Variants in GPC5 observed in about 807,000 individuals in gnomAD.
GPC5 encodes glypican-5.
A neutral mutation model predicts 53.9 loss-of-function variants in GPC5; 47 were observed. That is an observed-to-expected ratio of 0.87 (90% CI 0.69 to 1.11). The LOEUF (loss-of-function observed/expected upper bound fraction) is 1.11. Among genes scored for constraint, GPC5 ranks in the 50% most tolerant of loss-of-function variants. GPC5 has a pLI of 0.00. For missense variants in GPC5, 748 were observed against 713.1 expected (o/e 1.05, Z -0.56); for synonymous variants, 286 against 263.3 (o/e 1.09, Z -0.84).
At chr13:91,529,878 A>G (rs1886258644) in intron 2 of GPC5, among the ~76,000 whole-genome samples, 1 of 152,168 alleles carries the variant, frequency 6.6e-6, no homozygotes, top group Admixed American at 6.5e-5. Flanking sequence ...AGTGGGTCTG[A>G]GCTGGGACTT....
intron 7 of GPC5, among the ~76,000 whole-genome samples, chr13:92,745,354 C>A (rs1266193210): frequency 6.6e-6 from 1 of 152,082 alleles, no homozygotes; most frequent in African/African-American, 2.4e-5. Context: ...GCACACCTGG[C>A]ACTTTTGAAA....
At chr13:91,421,472 CT>C (rs1172746552) in intron 1 of GPC5, among the ~76,000 whole-genome samples, 1 of 152,098 alleles carries the variant, frequency 6.6e-6, no homozygotes, top group Non-Finnish European at 1.5e-5. Context: ...TTTTAACTCT[CT>C]TTTTTTCCTT....
chr13:92,129,457 C>G (rs1485827143), intron 6 of GPC5, among the ~76,000 whole-genome samples: 1 of 152,118 alleles, frequency 6.6e-6, no homozygotes, highest in African/African-American at 2.4e-5. Flanking sequence ...CAGCATGATA[C>G]GAAAAATGTC....
rs117465792 is a variant in GPC5 at position 91,776,691 on chromosome 13, C to T, written c.1280+20271C>T. The stretch of plus-strand genomic sequence containing the variant: ...CTAGGGCCAGTCCCTAATAAATTAC[C>T]TGTGCCTGTGATGAGCAACTGAATG... On this transcript the variant is annotated intron_variant, in intron 5 of 7. Transcript: ENST00000377067. 5.4e-4 allele frequency among the ~76,000 whole-genome samples: 83 copies of T among 152,308 alleles called. No individual in the cohort carries two copies. The East Asian group carries it at 0.015, about 28-fold the overall frequency.
At chr13:92,213,181 A>T (rs925277392) in intron 7 of GPC5, among the ~76,000 whole-genome samples, 1 of 152,200 alleles carries the variant, frequency 6.6e-6, no homozygotes, top group Non-Finnish European at 1.5e-5. Context: ...AATAATAGAT[A>T]TGTCCTTTAG....
rs149438606 is a variant in GPC5 at position 91,779,481 on chromosome 13, C to G, written c.1280+23061C>G. Among the ~76,000 whole-genome samples, 26 of 152,212 alleles carry G rather than the reference C, an allele frequency of 1.7e-4. No individual in the cohort carries two copies. In the East Asian group the frequency reaches 5.0e-3, roughly 29 times the overall value. On this transcript the variant is annotated intron_variant, in intron 5 of 7. Transcript: ENST00000377067. ...GCTCAGGTGATCCTCCCACCTCAGC[C>G]TCCTGAGTAGCTGGGATAATAGGCA... is the stretch of plus-strand genomic sequence containing the variant.
intron 2 of GPC5, among the ~76,000 whole-genome samples, chr13:91,551,483 A>G (rs138169742): frequency 6.6e-6 from 1 of 152,280 alleles, no homozygotes; most frequent in East Asian, 1.9e-4. Flanking sequence ...ATATGTCATC[A>G]AAGTGACAAT....
intron 5 of GPC5, among the ~76,000 whole-genome samples, chr13:91,777,651 A>C (rs2037732529): frequency 6.6e-6 from 1 of 152,208 alleles, no homozygotes; most frequent in African/African-American, 2.4e-5. Flanking sequence ...TTTTAAATTA[A>C]AAAATGTCCT....
At chr13:91,501,595 A>G (rs1389345059) in intron 2 of GPC5, among the ~76,000 whole-genome samples, 1 of 152,182 alleles carries the variant, frequency 6.6e-6, no homozygotes, top group African/African-American at 2.4e-5. Context: ...CTGTGGCTGC[A>G]TAGTATTCCA....
intron 6 of GPC5, among the ~76,000 whole-genome samples, chr13:91,985,036 T>TGG (rs2040394086): frequency 6.6e-6 from 1 of 152,234 alleles, no homozygotes; most frequent in Admixed American, 6.5e-5. Context: ...ATGTTTTTTC[T>TGG]AATTAGAAAG....
At chr13:91,487,526 TA>T (rs1356452253) in intron 2 of GPC5, among the ~76,000 whole-genome samples, 1 of 152,158 alleles carries the variant, frequency 6.6e-6, no homozygotes, top group African/African-American at 2.4e-5. Flanking sequence ...AAGGGAATAC[TA>T]GGGTAGGGCC....
At position 92,270,168 on chromosome 13, in the gene GPC5, C is replaced by A. The variant is rs189264189; in HGVS notation, c.1561+125179C>A. Reference sequence around the variant, plus strand: ...AACTTGTTGATTGTAGTGAGCAAATCATGTAAGAAGGAGATACTTGAATGG... The same window carrying A: ...AACTTGTTGATTGTAGTGAGCAAATAATGTAAGAAGGAGATACTTGAATGG... On this transcript the variant is annotated intron_variant, in intron 7 of 7. Transcript: ENST00000377067. Among the ~76,000 whole-genome samples, 189 of 152,204 alleles carry A rather than the reference C, an allele frequency of 1.2e-3. 1 individual carries two copies. Among genetic ancestry groups the A allele is most frequent in the Non-Finnish European group, 2.1e-3 (143 of 68,020 alleles).
At chr13:92,832,208 A>C (rs930062625) in intron 7 of GPC5, among the ~76,000 whole-genome samples, 5 of 152,222 alleles carry the variant, frequency 3.3e-5, no homozygotes, top group Non-Finnish European at 7.3e-5. Flanking sequence ...ATTGACATAC[A>C]CGTTTAAAAC....
intron 1 of GPC5, among the ~76,000 whole-genome samples, chr13:91,426,581 G>A (rs755966933): frequency 6.6e-5 from 10 of 152,138 alleles, no homozygotes; most frequent in Non-Finnish European, 1.3e-4. Context: ...AGGCCCCAGA[G>A]CCCCTAGCAA....
intron 7 of GPC5, among the ~76,000 whole-genome samples, chr13:92,377,790 C>G (rs1045315808): frequency 6.6e-6 from 1 of 151,978 alleles, no homozygotes; most frequent in Non-Finnish European, 1.5e-5. Context: ...AATGGCCAAC[C>G]AAGACTTAGG....
chr13:91,905,872 T>A (rs1263588236), intron 5 of GPC5, among the ~76,000 whole-genome samples: 1 of 152,104 alleles, frequency 6.6e-6, no homozygotes, highest in East Asian at 1.9e-4. Context: ...ATGATAGTAT[T>A]TGTTTTCATT....
chr13:91,431,885 A>C (rs1879479243), intron 1 of GPC5, among the ~76,000 whole-genome samples: 1 of 152,222 alleles, frequency 6.6e-6, no homozygotes, highest in Admixed American at 6.5e-5. Flanking sequence ...CTCTAACTTC[A>C]TTACCAGCAA....
At chr13:91,797,248 A>T (rs752581461) in intron 5 of GPC5, among the ~76,000 whole-genome samples, 44 of 152,282 alleles carry the variant, frequency 2.9e-4, no homozygotes, top group Non-Finnish European at 3.1e-4. Context: ...TTAATATTAT[A>T]TCATTTAGAT....
At chr13:92,325,856 G>A (rs182047083) in intron 7 of GPC5, among the ~76,000 whole-genome samples, 4 of 152,112 alleles carry the variant, frequency 2.6e-5, no homozygotes, top group South Asian at 2.1e-4. Context: ...TGGCACAGAG[G>A]GGGTGACGTT....
Sources: allele counts gnomAD v4.1 joint callset (sites outside exome capture counted in the v4.1 genomes callset), GRCh38; gene constraint gnomAD v4.1.1; transcripts MANE v1.5; gene names NCBI Gene and HGNC (gene_info 2026-07-23, HGNC 2026-07-21).